The following CTIF variants were observed in gnomAD, a reference collection of about 807,000 sequenced individuals.
CTIF encodes cap binding complex dependent translation initiation factor.
A neutral mutation model predicts 66.0 loss-of-function variants in CTIF; 21 were observed. The ratio of observed to expected loss-of-function variants is 0.32; its 90% CI spans 0.23 to 0.46. CTIF has a LOEUF of 0.46. Among genes scored for constraint, CTIF ranks in the 20% least tolerant of loss-of-function variants. The pLI is 1.00. For synonymous variants in CTIF, 345 were observed against 326.4 expected (o/e 1.06, Z -0.62); for missense variants, 739 against 812.7 (o/e 0.91, Z 1.10).
At chr18:48,550,308 G>T (rs1404811016) in intron 1 of CTIF, among the ~76,000 whole-genome samples, 2 of 152,266 alleles carry the variant, frequency 1.3e-5, no homozygotes, top group African/African-American at 4.8e-5. Flanking sequence ...TGAGGCTCCA[G>T]TGGGTTGGTA....
chr18:48,723,975 C>A (rs2092364135), intron 7 of CTIF, among the ~76,000 whole-genome samples: 1 of 152,206 alleles, frequency 6.6e-6, no homozygotes, highest in South Asian at 2.1e-4. Context: ...GATAGGCCCT[C>A]AAGTTCCCAG....
intron 3 of CTIF, among the ~76,000 whole-genome samples, chr18:48,650,891 A>G (rs1185231982): frequency 6.6e-6 from 1 of 152,208 alleles, no homozygotes; most frequent in African/African-American, 2.4e-5. Flanking sequence ...ATCCAGCCAA[A>G]CTAAGCTTCA....
At chr18:48,859,285 G>A (rs983030881) in intron 11 of CTIF, 59 bp from the exon 12 acceptor site, 2 of 1,443,004 alleles carry the variant, frequency 1.4e-6, no homozygotes, top group African/African-American at 1.4e-5. Flanking sequence ...CCTAATCAGG[G>A]TGGCCAGTGG....
At chr18:48,557,169 G>T (rs556753776) in intron 1 of CTIF, among the ~76,000 whole-genome samples, 4 of 152,234 alleles carry the variant, frequency 2.6e-5, no homozygotes, top group Admixed American at 2.0e-4. Flanking sequence ...GGGACAGGAG[G>T]ATGGTGGGGA....
chr18:48,745,226 A>T (rs4939805), intron 7 of CTIF, among the ~76,000 whole-genome samples: 24 of 152,156 alleles, frequency 1.6e-4, no homozygotes, highest in Middle Eastern at 6.8e-3. Context: ...TTTCTCTGGC[A>T]TTTCTTCATG....
chr18:48,556,772 C>A (rs973203925), intron 1 of CTIF, among the ~76,000 whole-genome samples: 2 of 152,146 alleles, frequency 1.3e-5, no homozygotes, highest in Admixed American at 1.3e-4. Context: ...ACCATGTTGG[C>A]CAGGCTGGTC....
At chr18:48,645,237 G>A (rs1405892832) in intron 3 of CTIF, among the ~76,000 whole-genome samples, 1 of 114,298 alleles carries the variant, frequency 8.7e-6, no homozygotes, top group East Asian at 2.9e-4. Flanking sequence ...TTTGCCTCAT[G>A]TGTCCCATAC....
intron 9 of CTIF, among the ~76,000 whole-genome samples, chr18:48,808,275 T>G (rs192956022): frequency 6.6e-6 from 1 of 152,344 alleles, no homozygotes; most frequent in African/African-American, 2.4e-5. Context: ...GACACAGGAT[T>G]TACCTCTTAA....
intron 1 of CTIF, among the ~76,000 whole-genome samples, chr18:48,550,266 C>T (rs767631707): frequency 6.6e-6 from 1 of 152,212 alleles, no homozygotes; most frequent in African/African-American, 2.4e-5. Context: ...CACTGGTGGC[C>T]TAGGCAGCAG....
At chr18:48,611,953 T>C (rs541435825) in intron 1 of CTIF, among the ~76,000 whole-genome samples, 205 of 152,234 alleles carry the variant, frequency 1.3e-3, no homozygotes, top group Non-Finnish European at 2.6e-3. Flanking sequence ...TTTGGTGGGG[T>C]GACAGGGGAT....
intron 8 of CTIF, chr18:48,760,496 G>A (rs1908876335): frequency 6.9e-6 from 1 of 144,664 alleles, no homozygotes; most frequent in Non-Finnish European, 1.5e-5. Flanking sequence ...GTGGGATCTA[G>A]AGCCTTGGTC....
intron 1 of CTIF, among the ~76,000 whole-genome samples, chr18:48,549,166 T>C (rs981101387): frequency 1.3e-5 from 2 of 152,060 alleles, no homozygotes; most frequent in African/African-American, 4.8e-5. Flanking sequence ...ATAGGGGTGA[T>C]GGGGGAGGTG....
chr18:48,619,078 G>A (rs1017150993), intron 1 of CTIF, among the ~76,000 whole-genome samples: 2 of 152,166 alleles, frequency 1.3e-5, no homozygotes, highest in African/African-American at 4.8e-5. Context: ...TCATTTTCTT[G>A]GAGGACCTGA....
chr18:48,591,934 T>C (rs188269969), intron 1 of CTIF, among the ~76,000 whole-genome samples: 1 of 152,310 alleles, frequency 6.6e-6, no homozygotes, highest in East Asian at 1.9e-4. Context: ...TCTTTTTTTG[T>C]AGAGATGGGA....
At chr18:48,661,629 C>T (rs746625939) in intron 3 of CTIF, among the ~76,000 whole-genome samples, 1 of 151,984 alleles carries the variant, frequency 6.6e-6, no homozygotes, top group Non-Finnish European at 1.5e-5. Flanking sequence ...TGAGGCAACT[C>T]GAAGAAAAGG....
At chr18:48,665,988 G>A (rs940116166) in intron 5 of CTIF, among the ~76,000 whole-genome samples, 1 of 152,182 alleles carries the variant, frequency 6.6e-6, no homozygotes, top group Non-Finnish European at 1.5e-5. Flanking sequence ...GAATTGCTGG[G>A]TTGTATGGTA....
chr18:48,794,264 C>T (rs1215669653), intron 9 of CTIF, among the ~76,000 whole-genome samples: 1 of 152,228 alleles, frequency 6.6e-6, no homozygotes, highest in African/African-American at 2.4e-5. Flanking sequence ...CCTCCCAGCT[C>T]AGTTCCAAGC....
At chr18:48,680,055 T>C (rs550717829) in intron 6 of CTIF, among the ~76,000 whole-genome samples, 1 of 152,078 alleles carries the variant, frequency 6.6e-6, no homozygotes, top group Non-Finnish European at 1.5e-5. Flanking sequence ...AGCAAGGAAA[T>C]GCAGGATGGA....
At chr18:48,587,508 G>T (rs1374749401) in intron 1 of CTIF, among the ~76,000 whole-genome samples, 1 of 152,206 alleles carries the variant, frequency 6.6e-6, no homozygotes, top group Admixed American at 6.5e-5. Flanking sequence ...CTTGGCATTG[G>T]TCTGGTCTGT....
Sources: allele counts gnomAD v4.1 joint callset (sites outside exome capture counted in the v4.1 genomes callset), GRCh38; gene constraint gnomAD v4.1.1; transcripts MANE v1.5; gene names NCBI Gene and HGNC (gene_info 2026-07-23, HGNC 2026-07-21).